Variants in EFCAB6 observed in about 807,000 individuals in gnomAD.
The protein encoded by EFCAB6 is EF-hand calcium-binding domain-containing protein 6.
Under a neutral mutation model 169.8 loss-of-function variants are expected in EFCAB6, and 156 were observed. The observed-to-expected ratio is 0.92, with a 90% CI of 0.81 to 1.05. The LOEUF is 1.05. Ranked by LOEUF, EFCAB6 falls within the 50% of genes least tolerant of loss-of-function variation. The probability of loss-of-function intolerance (pLI) is 0.00; values close to 1 mark genes in which losing one functional copy is unlikely to be tolerated. For missense variants in EFCAB6, 1,800 were observed against 1,829.1 expected (o/e 0.98, Z 0.29); for synonymous variants, 698 against 676.4 (o/e 1.03, Z -0.50).
intron 27 of EFCAB6, among the ~76,000 whole-genome samples, chr22:43,544,950 G>A (rs932287939): frequency 2.0e-5 from 3 of 151,140 alleles, no homozygotes; most frequent in East Asian, 2.0e-4. Flanking sequence ...GTGAAACCCC[G>A]TCTCTACTAA....
intron 8 of EFCAB6, among the ~76,000 whole-genome samples, chr22:43,728,548 T>C (rs1240297055): frequency 1.3e-5 from 2 of 152,210 alleles, no homozygotes; most frequent in Non-Finnish European, 2.9e-5. Flanking sequence ...AGTGTTCCTA[T>C]TTCTCCTCAT....
chr22:43,672,175 G>A (rs763261085), intron 14 of EFCAB6, 42 bp from the exon 15 acceptor site: 2 of 1,613,696 alleles, frequency 1.2e-6, no homozygotes, highest in South Asian at 1.1e-5. Context: ...CCATACATCT[G>A]TAACCTCTTG....
chr22:43,579,660 G>A lies in EFCAB6; in HGVS notation c.3228+804C>T, dbSNP rs181961982. On this transcript the variant is annotated intron_variant, in intron 25 of 31. Transcript: ENST00000262726. Reference sequence around the variant, plus strand: ...ATTCCATACATATAGGCATCATTCCGTACACGTAGGCATCATTGCTTACAT... The same window carrying A: ...ATTCCATACATATAGGCATCATTCCATACACGTAGGCATCATTGCTTACAT... Among the ~76,000 whole-genome samples, 275 of 133,692 alleles carry A rather than the reference G, an allele frequency of 2.1e-3. 2 individuals are homozygous for A. The Middle Eastern group carries it at 0.035, about 17-fold the overall frequency. The allele number at this position is 133,692 out of a possible 152,430, so 87.7% of individuals were successfully genotyped here. A position where few individuals can be genotyped will look rare whatever the true frequency, so the allele number is the denominator to read the frequency against.
In EFCAB6 at chr22:43,609,358, C is replaced by T. The variant is rs1039170993; in HGVS notation, c.2563-758G>A. On this transcript the variant is annotated intron_variant, in intron 21 of 31. Transcript: ENST00000262726. ...GCAAGAAAAAGGATAAAAGGTGTAA[C>T]GATAGGACAGGAAGAAATACAATTA... 9.9e-5 allele frequency among the ~76,000 whole-genome samples: 15 copies of T among 152,148 alleles called. 1 individual carries two copies. In the South Asian group the frequency reaches 2.1e-3, roughly 21 times the overall value.
At chr22:43,754,854 G>A (rs528240239) in intron 6 of EFCAB6, among the ~76,000 whole-genome samples, 5 of 152,268 alleles carry the variant, frequency 3.3e-5, no homozygotes, top group East Asian at 3.9e-4. Flanking sequence ...TCAATTGCAC[G>A]ACAAAACTCT....
intron 1 of EFCAB6, among the ~76,000 whole-genome samples, chr22:43,811,537 G>A (rs943219876): frequency 2.6e-5 from 4 of 152,178 alleles, no homozygotes; most frequent in African/African-American, 9.7e-5. Context: ...CTATACAGAT[G>A]TATACCTCAC....
intron 26 of EFCAB6, among the ~76,000 whole-genome samples, chr22:43,574,475 A>T (rs1184738708): frequency 2.0e-5 from 3 of 152,162 alleles, no homozygotes; most frequent in African/African-American, 7.2e-5. Flanking sequence ...GAGATGAGAA[A>T]TCGCAGGTGA....
intron 3 of EFCAB6, among the ~76,000 whole-genome samples, chr22:43,774,786 A>G (rs1476111963): frequency 6.6e-6 from 1 of 151,440 alleles, no homozygotes; most frequent in East Asian, 2.0e-4. Context: ...GCCTGGGCAA[A>G]AGGGGGATGG....
chr22:43,713,406 A>G (rs2059227578), intron 9 of EFCAB6, among the ~76,000 whole-genome samples: 1 of 152,238 alleles, frequency 6.6e-6, no homozygotes, highest in Non-Finnish European at 1.5e-5. Context: ...ACATTAGTAA[A>G]AAGTGAAATA....
intron 5 of EFCAB6, among the ~76,000 whole-genome samples, chr22:43,756,749 G>T (rs1480530211): frequency 6.6e-6 from 1 of 152,214 alleles, no homozygotes; most frequent in Admixed American, 6.5e-5. Flanking sequence ...TTGGAGATGG[G>T]GGAAGATGGG....
chr22:43,774,870 C>T (rs992463124), intron 3 of EFCAB6, among the ~76,000 whole-genome samples: 2 of 151,828 alleles, frequency 1.3e-5, no homozygotes, highest in Admixed American at 6.6e-5. Flanking sequence ...TTGGGCTTCA[C>T]GCTCTGGGGT....
chr22:43,683,937 C>T, intron 11 of EFCAB6, 82 bp from the exon 12 acceptor site: 1 of 1,038,106 alleles, frequency 9.6e-7, no homozygotes, highest in East Asian at 2.4e-5. Context: ...AACAAGCACC[C>T]TCACCACAAT....
chr22:43,796,479 T>C (rs1044616772), intron 2 of EFCAB6, among the ~76,000 whole-genome samples: 1 of 152,192 alleles, frequency 6.6e-6, no homozygotes, highest in East Asian at 1.9e-4. Context: ...GATATAAAAG[T>C]CTAATTTCAG....
intron 8 of EFCAB6, among the ~76,000 whole-genome samples, chr22:43,722,674 C>A (rs2059579629): frequency 6.6e-6 from 1 of 152,114 alleles, no homozygotes. Flanking sequence ...TAAAACAGAG[C>A]TACTATTCAA....
intron 18 of EFCAB6, among the ~76,000 whole-genome samples, chr22:43,633,053 G>C (rs2055093007): frequency 6.6e-6 from 1 of 152,190 alleles, no homozygotes. Flanking sequence ...CCTCGTGTTT[G>C]TTTACACACA....
chr22:43,690,804 C>T (rs1257020734), intron 10 of EFCAB6, among the ~76,000 whole-genome samples: 1 of 151,776 alleles, frequency 6.6e-6, no homozygotes, highest in Non-Finnish European at 1.5e-5. Context: ...CCCATCATTA[C>T]CTACTTCCCA....
chr22:43,713,164 A>G (rs1482833041), intron 9 of EFCAB6, among the ~76,000 whole-genome samples: 1 of 151,772 alleles, frequency 6.6e-6, no homozygotes, highest in African/African-American at 2.4e-5. Context: ...CATACCACTA[A>G]AAAAAAATTG....
intron 8 of EFCAB6, among the ~76,000 whole-genome samples, chr22:43,726,022 T>C (rs1189844271): frequency 2.0e-5 from 3 of 152,146 alleles, no homozygotes; most frequent in Non-Finnish European, 4.4e-5. Flanking sequence ...AATGAGAATG[T>C]AAGCTAATGC....
chr22:43,630,245 C>T (rs17567065), intron 19 of EFCAB6, among the ~76,000 whole-genome samples: 11,771 of 152,260 alleles, frequency 0.077, 579 homozygotes, highest in South Asian at 0.17. Flanking sequence ...TCACGAGCCC[C>T]GGACATAACC....
Sources: allele counts gnomAD v4.1 joint callset (sites outside exome capture counted in the v4.1 genomes callset), GRCh38; gene constraint gnomAD v4.1.1; transcripts MANE v1.5; gene names NCBI Gene and HGNC (gene_info 2026-07-23, HGNC 2026-07-21).